Variants in DDAH1 observed in about 807,000 individuals in gnomAD.
DDAH1 encodes the protein dimethylarginine dimethylaminohydrolase 1.
In DDAH1, 19 loss-of-function variants were observed where a neutral mutation model predicts 28.8. The observed-to-expected ratio is 0.66, with a 90% confidence interval of 0.46 to 0.97. The LOEUF (loss-of-function observed/expected upper bound fraction) is 0.97, where lower values mean the gene tolerates loss of function less well. Ranked by LOEUF, DDAH1 falls within the 50% of genes least tolerant of loss-of-function variation. The pLI is 0.00. For synonymous variants in DDAH1, 153 were observed against 154.4 expected, an observed-to-expected ratio of 0.99 and a Z score of 0.07; for missense variants, 326 against 375.9, an observed-to-expected ratio of 0.87 and a Z score of 1.10.
At chr1:85,439,279 T>C (rs17127565) in intron 1 of DDAH1, among the ~76,000 whole-genome samples, 6,704 of 152,318 alleles carry the variant, frequency 0.044, 252 homozygotes, top group South Asian at 0.18. Context: ...CCCTTTACCT[T>C]TTCTGCATTC....
chr1:85,447,002 T>A (rs1191127130), intron 1 of DDAH1, among the ~76,000 whole-genome samples: 1 of 152,202 alleles, frequency 6.6e-6, no homozygotes, highest in African/African-American at 2.4e-5. Context: ...CATCATTGAA[T>A]TTTAAAACTC....
chr1:85,431,757 T>C (rs116042406), intron 1 of DDAH1, among the ~76,000 whole-genome samples: 158 of 152,300 alleles, frequency 1.0e-3, no homozygotes, highest in African/African-American at 3.6e-3. Context: ...TGCTTGGAGA[T>C]ATAAGCAATA....
chr1:85,525,694 G>GT (rs1281361984), intron 1 of DDAH1, among the ~76,000 whole-genome samples: 15 of 152,038 alleles, frequency 9.9e-5, no homozygotes, highest in African/African-American at 3.1e-4. Flanking sequence ...GAGTGATGGC[G>GT]TAACAAGTTG....
chr1:85,452,801 A>G (rs1439464268), intron 1 of DDAH1, among the ~76,000 whole-genome samples: 1 of 152,230 alleles, frequency 6.6e-6, no homozygotes, highest in Non-Finnish European at 1.5e-5. Context: ...ACAGGCTGAA[A>G]GAGCCCAGTA....
chr1:85,484,613 A>G (rs1274917749), intron 2 of DDAH1, among the ~76,000 whole-genome samples: 2 of 152,226 alleles, frequency 1.3e-5, no homozygotes, highest in Non-Finnish European at 2.9e-5. Flanking sequence ...CAGACTAACC[A>G]TGTAGAGCTT....
At chr1:85,383,190 C>T (rs1190473980) in intron 1 of DDAH1, among the ~76,000 whole-genome samples, 1 of 152,148 alleles carries the variant, frequency 6.6e-6, no homozygotes, top group East Asian at 1.9e-4. Flanking sequence ...ATTAATCATT[C>T]TAGATGTCAT....
chr1:85,555,879 T>G (rs1250438208), intron 1 of DDAH1, among the ~76,000 whole-genome samples: 1 of 152,210 alleles, frequency 6.6e-6, no homozygotes, highest in Non-Finnish European at 1.5e-5. Flanking sequence ...TTCTCCATGC[T>G]TCTTATTTTG....
chr1:85,540,784 CCT>C (rs1344689428), intron 1 of DDAH1, among the ~76,000 whole-genome samples: 2 of 151,836 alleles, frequency 1.3e-5, no homozygotes, highest in African/African-American at 4.8e-5. Context: ...ATGGTGAAGC[CCT>C]GTCTCTACTA....
intron 1 of DDAH1, among the ~76,000 whole-genome samples, chr1:85,500,114 T>TTTTCTTTCTTTCTTTCTTTC (rs199804690): frequency 3.8e-4 from 49 of 129,890 alleles, no homozygotes; most frequent in African/African-American, 1.3e-3. Flanking sequence ...CTTTCTTTTC[T>TTTTCTTTCTTTCTTTCTTTC]TTTCTTTCTT....
upstream of DDAH1, among the ~76,000 whole-genome samples, chr1:85,466,025 G>A (rs1354370842): frequency 2.0e-5 from 3 of 152,176 alleles, no homozygotes; most frequent in Admixed American, 1.3e-4. Flanking sequence ...CTTTTTTGGT[G>A]GTCTAGGGCC....
chr1:85,428,127 T>C (rs978988089), intron 1 of DDAH1, among the ~76,000 whole-genome samples: 6 of 152,180 alleles, frequency 3.9e-5, no homozygotes, highest in African/African-American at 9.7e-5. Context: ...ATCCTTCCAG[T>C]TATCCATCTG....
At chr1:85,499,272 T>C (rs1656711274) in intron 1 of DDAH1, among the ~76,000 whole-genome samples, 1 of 152,222 alleles carries the variant, frequency 6.6e-6, no homozygotes, top group South Asian at 2.1e-4. Flanking sequence ...CACAATAACT[T>C]TATTAATGTA....
chr1:85,465,243 A>T, upstream of DDAH1: 3 of 1,092,228 alleles, frequency 2.7e-6, no homozygotes, highest in Non-Finnish European at 3.3e-6. Flanking sequence ...GCCCGCGCGC[A>T]TCCCGCGCGC....
chr1:85,536,862 C>T (rs1300481337), intron 1 of DDAH1, among the ~76,000 whole-genome samples: 1 of 150,532 alleles, frequency 6.6e-6, no homozygotes, highest in Non-Finnish European at 1.5e-5. Context: ...TCTGTACTCC[C>T]GTGTTTATGG....
rs1367703873 is a variant in DDAH1 at position 85,521,632 on chromosome 1, T to C, written c.-122-25351A>G. 1.0e-5 allele frequency: 10 copies of C among 984,806 alleles called. 1 individual carries two copies. In the South Asian group the frequency reaches 4.2e-4, roughly 42 times the overall value. The allele number at this position is 984,806 out of a possible 1,614,324, so 61.0% of individuals were successfully genotyped here. On this transcript the variant is annotated intron_variant, in intron 1 of 6. Transcript: ENST00000426972. ...CCATAGACTCACTCCTGTATCTAGA[T>C]GCCTTCCCCCGTCGCTGAGTCACCA... is the stretch of plus-strand genomic sequence containing the variant.
intron 2 of DDAH1, among the ~76,000 whole-genome samples, chr1:85,352,878 AC>A (rs945121286): frequency 1.5e-5 from 2 of 134,018 alleles, no homozygotes; most frequent in African/African-American, 2.5e-5. Context: ...TTATTATACT[AC>A]CTTTTTTTTT....
At chr1:85,367,027 ATAG>A (rs149734207) in intron 1 of DDAH1, among the ~76,000 whole-genome samples, 160 of 152,278 alleles carry the variant, frequency 1.1e-3, no homozygotes, top group African/African-American at 3.7e-3. Context: ...CACATGCAGT[ATAG>A]TAGATTTCAT....
chr1:85,378,092 CAAATGGTATCAAATTTGG>C (rs1258030056), intron 1 of DDAH1, among the ~76,000 whole-genome samples: 1 of 152,066 alleles, frequency 6.6e-6, no homozygotes, highest in Non-Finnish European at 1.5e-5. Flanking sequence ...CTGTTCAACA[CAAATGGTATCAAATTTGG>C]AAAACCAAAA....
chr1:85,493,211 A>G (rs892412464), intron 2 of DDAH1, among the ~76,000 whole-genome samples: 1 of 152,128 alleles, frequency 6.6e-6, no homozygotes, highest in Non-Finnish European at 1.5e-5. Flanking sequence ...CTCTAAAAGT[A>G]TTGTGGGCCC....
Sources: gnomAD v4.1 joint callset for allele counts (sites outside exome capture counted in the v4.1 genomes callset) on GRCh38, gnomAD v4.1.1 for gene constraint, MANE v1.5 for transcripts, NCBI Gene and HGNC (gene_info 2026-07-23, HGNC 2026-07-21) for gene names.